The following NEMF variants were observed in gnomAD, a reference collection of about 807,000 sequenced individuals.
NEMF encodes nuclear export mediator factor.
A neutral mutation model predicts 162.2 loss-of-function variants in NEMF; 89 were observed. The observed-to-expected ratio is 0.55, with a 90% CI of 0.46 to 0.65. The LOEUF (loss-of-function observed/expected upper bound fraction) is 0.65, where lower values mean the gene tolerates loss of function less well. Ranked by LOEUF, NEMF falls within the 30% of genes least tolerant of loss-of-function variation. The pLI is 0.00. For missense variants in NEMF, 1,133 were observed against 1,261.9 expected (o/e 0.90, Z 1.55); for synonymous variants, 421 against 404.5 (o/e 1.04, Z -0.49).
Position 49,785,126 on chromosome 14 carries a change from C to G in NEMF, c.3039G>C (p.Val1013=). The change falls in exon 31 of 33, where the codon GTG becomes GTC. Residue 1013 remains valine, a synonymous_variant. Transcript: ENST00000298310. ...YTTMTNYKYK[V]KLTPGVQKKG... ...TTTTCTGCACTCCAGGAGTAAGTTT[C>G]ACTTTATATCTTTAAAAAGGAATTA... is the stretch of plus-strand genomic sequence containing the variant. 1 of 1,605,932 alleles carries G rather than the reference C, an allele frequency of 6.2e-7. No homozygotes were observed. Among genetic ancestry groups the G allele is most frequent in the South Asian group, 1.1e-5 (1 of 90,924 alleles).
rs767732056 is a variant in NEMF, at chr14:49,782,489, A to G, written c.*2147T>C. 6.3e-7 allele frequency: 1 copy of G among 1,597,732 alleles called. No homozygotes were observed. The highest frequency in any genetic ancestry group is 1.1e-5 in the South Asian group (1 of 89,576). On this transcript the variant is annotated 3_prime_UTR_variant, in exon 33 of 33. Transcript: ENST00000298310. ...ATACTACCTTCACATTATTACTGAAACTTACTTGCAAAGCATTTGCTTTTA... is the reference window on the plus strand; with the variant it reads ...ATACTACCTTCACATTATTACTGAAGCTTACTTGCAAAGCATTTGCTTTTA...
At position 49,828,307 on chromosome 14, in the gene NEMF, A is replaced by G; in HGVS notation, c.1472T>C (p.Val491Ala). 6.2e-7 allele frequency: 1 copy of G among 1,605,524 alleles called. No homozygotes were observed. Among genetic ancestry groups the G allele is most frequent in the African/African-American group, 1.3e-5 (1 of 74,786 alleles). ...RYAAKKTQKT[V>A]EAAEKAFKSA... is the part of the protein sequence containing the mutation. ...ACTCAGTACCTTCTCAGCAGCTTCA[A>G]CAGTCTTTTGTGTTTTCTTAGCAGC... The change falls in exon 15 of 33, where the codon GTT becomes GCT. Residue 491 changes from valine to alanine, a missense_variant. Physicochemically the swap from Val to Ala is moderately conservative, Grantham distance 64. This residue lies in a region of NEMF where 582 missense variants were observed against 631.5 expected (regional missense o/e 0.92). Coordinates refer to ENST00000298310, the MANE Select transcript of NEMF (RefSeq NM_004713.6).
chr14:49,795,725 C>G (rs2139842530), intron 26 of NEMF, 66 bp downstream of exon 26: 1 of 1,472,794 alleles, frequency 6.8e-7, no homozygotes, highest in East Asian at 2.3e-5. Flanking sequence ...TTCACTTCAA[C>G]TTTAAAAAAT....
At chr14:49,839,312 C>T (rs1388918935) in intron 5 of NEMF, 1 of 151,814 alleles carries the variant, frequency 6.6e-6, no homozygotes. Context: ...AACTCCTGAC[C>T]TCAGGTGATC....
At chr14:49,848,620 A>G (rs1371324554) in intron 3 of NEMF, among the ~76,000 whole-genome samples, 1 of 152,118 alleles carries the variant, frequency 6.6e-6, no homozygotes, top group Non-Finnish European at 1.5e-5. Flanking sequence ...GCGGATCACA[A>G]CGTCAGGAGT....
intron 4 of NEMF, among the ~76,000 whole-genome samples, chr14:49,845,230 T>C (rs993880660): frequency 3.9e-5 from 6 of 151,978 alleles, no homozygotes; most frequent in Non-Finnish European, 7.4e-5. Context: ...GTAGCTGGGA[T>C]TATAGGTGCC....
intron 6 of NEMF, among the ~76,000 whole-genome samples, chr14:49,836,648 T>C (rs778657650): frequency 2.6e-5 from 4 of 151,326 alleles, no homozygotes; most frequent in Non-Finnish European, 5.9e-5. Flanking sequence ...CCTTGGGAAA[T>C]GCAGAAGATC....
chr14:49,800,738 C>G (rs771221700), intron 22 of NEMF, 42 bp from the exon 23 acceptor site: 1 of 1,556,418 alleles, frequency 6.4e-7, no homozygotes, highest in East Asian at 2.3e-5. Flanking sequence ...GGACTACCAA[C>G]CAAGCCAGGT....
At chr14:49,809,558 TATATAC>T (rs1210077052) in intron 18 of NEMF, among the ~76,000 whole-genome samples, 1 of 150,224 alleles carries the variant, frequency 6.7e-6, no homozygotes, top group Non-Finnish European at 1.5e-5. Context: ...ACTCAAAGAC[TATATAC>T]ATCAAGAGTG....
At chr14:49,846,367 T>C (rs1893502447) in intron 3 of NEMF, 102 bp from the exon 4 acceptor site, 1 of 1,094,284 alleles carries the variant, frequency 9.1e-7, no homozygotes, top group South Asian at 1.4e-5. Context: ...TCAGGAATAT[T>C]TAAAACGTTG....
At chr14:49,832,809 T>G (rs1196524571) in intron 8 of NEMF, among the ~76,000 whole-genome samples, 1 of 152,162 alleles carries the variant, frequency 6.6e-6, no homozygotes, top group Non-Finnish European at 1.5e-5. Context: ...ATCACAACAT[T>G]TTTGAAAAGG....
chr14:49,800,360 A>G, intron 23 of NEMF, 60 bp downstream of exon 23: 123 of 1,071,226 alleles, frequency 1.1e-4, no homozygotes, highest in Non-Finnish European at 1.6e-4. Context: ...CTTTGTAAGG[A>G]TTACCTCATC....
At chr14:49,800,815 A>C in intron 22 of NEMF, 119 bp from the exon 23 acceptor site, 2 of 940,692 alleles carry the variant, frequency 2.1e-6, no homozygotes, top group Admixed American at 2.4e-5. Flanking sequence ...AATCAACAGA[A>C]AAGTGTCTGA....
At position 49,802,719 on chromosome 14, in the gene NEMF, T is replaced by C. The variant is rs1332320024; in HGVS notation, c.1924A>G (p.Asn642Asp). ...ATTAGATATGAGGGAGGAAGAAAAT[T>C]CTTTTTTCCTACAAAAGATAACGTA... ...TGSFMIRGKK[N>D]FLPPSYLMMG... The change falls in exon 21 of 33, where the codon AAT (asparagine) becomes GAT (aspartate). Residue 642 changes from asparagine to aspartate, a missense_variant. Around this residue, in one of 3 missense-constraint regions of NEMF, gnomAD observed 532 missense variants for 578.6 expected, o/e 0.92. Coordinates refer to ENST00000298310, the MANE Select transcript of NEMF (RefSeq NM_004713.6). 1 of 1,609,536 alleles carries C rather than the reference T, an allele frequency of 6.2e-7. No individual in the cohort carries two copies. The highest frequency in any genetic ancestry group is 8.5e-7 in the Non-Finnish European group (1 of 1,177,130).
chr14:49,785,022 A>G lies in NEMF; in HGVS notation c.3074-18T>C. On this transcript the variant is annotated intron_variant, in intron 31 of 32. Coordinates refer to ENST00000298310, the MANE Select transcript of NEMF (RefSeq NM_004713.6). ...TTTTGCAGCTGTAAATACAAAAAAGAGTAAGAATAATCTACTGTTAAGTCA... is the reference window on the plus strand; with the variant it reads ...TTTTGCAGCTGTAAATACAAAAAAGGGTAAGAATAATCTACTGTTAAGTCA... The G allele has an allele frequency of 6.2e-7, 1 of 1,609,982 alleles. No individual in the cohort carries two copies. Among genetic ancestry groups the G allele is most frequent in the South Asian group, 1.1e-5 (1 of 90,996 alleles).
At chr14:49,834,507 G>C in intron 6 of NEMF, 58 bp from the exon 7 acceptor site, 2 of 1,286,500 alleles carry the variant, frequency 1.6e-6, no homozygotes, top group Non-Finnish European at 2.2e-6. Flanking sequence ...TTTTGTTTTT[G>C]TTTTTTGAGA....
chr14:49,807,290 T>C lies in NEMF; in HGVS notation c.1745-1157A>G, dbSNP rs118055354. On this transcript the variant is annotated intron_variant, in intron 18 of 32. Coordinates refer to ENST00000298310, the MANE Select transcript of NEMF (RefSeq NM_004713.6). ...ACATTTTGTTTATTCATTAATTGAA[T>C]GACATATGGATTGTTTCCATTTCTT... is the stretch of plus-strand genomic sequence containing the variant. 5.0e-3 allele frequency among the ~76,000 whole-genome samples: 765 copies of C among 152,390 alleles called. 6 individuals carry two copies. Among genetic ancestry groups the C allele is most frequent in the South Asian group, 0.03 (143 of 4,828 alleles).
At chr14:49,851,916 T>G (rs769464372) in intron 1 of NEMF, 41 bp from the exon 2 acceptor site, 1 of 1,203,154 alleles carries the variant, frequency 8.3e-7, no homozygotes, top group Non-Finnish European at 1.2e-6. Flanking sequence ...TACACTATTG[T>G]CTGAAACATA....
At chr14:49,813,125 G>A (rs954306643) in intron 18 of NEMF, among the ~76,000 whole-genome samples, 6 of 152,104 alleles carry the variant, frequency 3.9e-5, no homozygotes, top group Admixed American at 3.3e-4. Flanking sequence ...AATATTTCAT[G>A]TGCACTTAAG....
Sources: allele counts gnomAD v4.1 joint callset (sites outside exome capture counted in the v4.1 genomes callset), GRCh38; gene constraint gnomAD v4.1.1; regional missense constraint gnomAD v4.1.1; transcripts MANE v1.5; gene names NCBI Gene and HGNC (gene_info 2026-07-23, HGNC 2026-07-21).